Variants in GALNT2 observed in about 807,000 individuals in gnomAD.
The protein encoded by GALNT2 is UDP-GalNAc:polypeptide N-acetylgalactosaminyltransferase 2.
GALNT2 carries 31 observed loss-of-function variants against 81.4 expected under a neutral mutation model. The observed-to-expected ratio is 0.38, with a 90% CI of 0.29 to 0.51. GALNT2 has a LOEUF of 0.51. Ranked by LOEUF, GALNT2 falls within the 20% of genes least tolerant of loss-of-function variation. The pLI is 0.87. For synonymous variants in GALNT2, 303 were observed against 287.4 expected (o/e 1.05, Z -0.55); for missense variants, 629 against 765.7 (o/e 0.82, Z 2.11).
chr1:230,239,808 C>T (rs1203718666), intron 6 of GALNT2, among the ~76,000 whole-genome samples: 1 of 152,130 alleles, frequency 6.6e-6, no homozygotes, highest in Non-Finnish European at 1.5e-5. Context: ...TTGAATTATT[C>T]TTGTAGCTTT....
chr1:230,122,623 TGTGTGTGTGCATGTACATAC>T (rs1324590949), intron 1 of GALNT2, among the ~76,000 whole-genome samples: 3 of 151,996 alleles, frequency 2.0e-5, no homozygotes, highest in African/African-American at 7.3e-5. Flanking sequence ...TCTGTGTGTG[TGTGTGTGTGCATGTACATAC>T]GTGTGTGTGT....
chr1:230,192,726 T>C (rs1263902637), intron 2 of GALNT2, among the ~76,000 whole-genome samples: 1 of 152,276 alleles, frequency 6.6e-6, no homozygotes, highest in African/African-American at 2.4e-5. Context: ...AACTATTTCC[T>C]CTATAACATC....
chr1:230,199,720 C>T (rs1663826104), intron 2 of GALNT2, among the ~76,000 whole-genome samples: 1 of 152,296 alleles, frequency 6.6e-6, no homozygotes, highest in East Asian at 1.9e-4. Context: ...CTGTGTGTCT[C>T]AGGGAGATTG....
chr1:230,200,062 C>CT (rs34212427), intron 2 of GALNT2, among the ~76,000 whole-genome samples: 1,437 of 113,514 alleles, frequency 0.013, 24 homozygotes, highest in African/African-American at 0.021. Flanking sequence ...TCTTTTTTTT[C>CT]TTTTTTTTTT....
intron 9 of GALNT2, among the ~76,000 whole-genome samples, chr1:230,249,819 C>T (rs1665486806): frequency 1.3e-5 from 2 of 152,246 alleles, no homozygotes; most frequent in South Asian, 2.1e-4. Flanking sequence ...GAGTACTTAG[C>T]GCTGAAATAT....
chr1:230,236,262 G>A, intron 4 of GALNT2, 91 bp from the exon 5 acceptor site: 1 of 1,429,240 alleles, frequency 7.0e-7, no homozygotes, highest in South Asian at 1.2e-5. Flanking sequence ...CCAACCAAGG[G>A]TTAGGACCAA....
At chr1:230,103,716 A>T (rs1660463396) in intron 1 of GALNT2, among the ~76,000 whole-genome samples, 1 of 142,472 alleles carries the variant, frequency 7.0e-6, no homozygotes, top group African/African-American at 2.7e-5. Flanking sequence ...AACCACACAC[A>T]CAAAGCCAAA....
At chr1:230,116,392 A>G (rs532971678) in intron 1 of GALNT2, among the ~76,000 whole-genome samples, 1 of 152,110 alleles carries the variant, frequency 6.6e-6, no homozygotes, top group East Asian at 1.9e-4. Context: ...ACCACGCCCA[A>G]CTAATTTTTG....
chr1:230,184,103 T>G (rs531727404), intron 2 of GALNT2, among the ~76,000 whole-genome samples: 1 of 128,444 alleles, frequency 7.8e-6, no homozygotes, highest in African/African-American at 2.8e-5. Context: ...GCTTTTAACA[T>G]TTTTTGCAAG....
At chr1:230,274,298 A>G (rs1572164472) in intron 14 of GALNT2, 147 bp from the exon 15 acceptor site, 2 of 1,088,274 alleles carry the variant, frequency 1.8e-6, no homozygotes, top group Non-Finnish European at 2.6e-6. Context: ...GGCAAAAAGT[A>G]ATTGTTTCGT....
chr1:230,245,842 C>T (rs1665351726), intron 7 of GALNT2, among the ~76,000 whole-genome samples: 1 of 152,174 alleles, frequency 6.6e-6, no homozygotes, highest in African/African-American at 2.4e-5. Context: ...CTCCTGACCT[C>T]CCTCCCTGCC....
chr1:230,213,569 T>C (rs1664296921), intron 3 of GALNT2, among the ~76,000 whole-genome samples: 3 of 152,252 alleles, frequency 2.0e-5, no homozygotes, highest in South Asian at 2.1e-4. Flanking sequence ...TTTTGGACTT[T>C]CATCTGCTGT....
intron 1 of GALNT2, among the ~76,000 whole-genome samples, chr1:230,115,651 A>G (rs1390295031): frequency 6.6e-6 from 1 of 152,198 alleles, no homozygotes; most frequent in Non-Finnish European, 1.5e-5. Context: ...TGGCTGCGAC[A>G]GTTTCTTAAA....
intron 1 of GALNT2, among the ~76,000 whole-genome samples, chr1:230,105,182 C>T (rs113501263): frequency 6.6e-6 from 1 of 152,194 alleles, no homozygotes; most frequent in South Asian, 2.1e-4. Flanking sequence ...GAGAGGTGCT[C>T]AGACCTCCTT....
intron 1 of GALNT2, among the ~76,000 whole-genome samples, chr1:230,170,153 G>T (rs778355220): frequency 6.6e-6 from 1 of 152,228 alleles, no homozygotes; most frequent in South Asian, 2.1e-4. Context: ...TGCCTAAGTA[G>T]AGGTTTTGGG....
At chr1:230,214,991 T>A (rs1664343422) in intron 3 of GALNT2, among the ~76,000 whole-genome samples, 2 of 152,236 alleles carry the variant, frequency 1.3e-5, no homozygotes. Context: ...GGGCTCTCAC[T>A]GACTTTTTCC....
At chr1:230,154,317 C>T (rs1046542745) in intron 1 of GALNT2, among the ~76,000 whole-genome samples, 10 of 152,248 alleles carry the variant, frequency 6.6e-5, no homozygotes, top group African/African-American at 2.4e-4. Flanking sequence ...CCCTTTAGCT[C>T]ATCACCCTCT....
At chr1:230,074,572 A>G (rs1445730976) in intron 1 of GALNT2, among the ~76,000 whole-genome samples, 1 of 152,210 alleles carries the variant, frequency 6.6e-6, no homozygotes, top group Non-Finnish European at 1.5e-5. Context: ...GTAGAGAACC[A>G]CTGCCTTAGT....
intron 14 of GALNT2, among the ~76,000 whole-genome samples, chr1:230,273,774 C>T (rs1666212948): frequency 6.6e-6 from 1 of 152,120 alleles, no homozygotes; most frequent in Non-Finnish European, 1.5e-5. Flanking sequence ...AATAATAGCC[C>T]TCATGGAGCT....
Sources: allele counts gnomAD v4.1 joint callset (sites outside exome capture counted in the v4.1 genomes callset), GRCh38; gene constraint gnomAD v4.1.1; transcripts MANE v1.5; gene names NCBI Gene and HGNC (gene_info 2026-07-23, HGNC 2026-07-21).